The following CTNNA2 variants were observed in gnomAD, a reference collection of about 807,000 sequenced individuals.
CTNNA2 encodes catenin alpha-2.
A neutral mutation model predicts 101.0 loss-of-function variants in CTNNA2; 42 were observed. The ratio of observed to expected loss-of-function variants is 0.42; its 90% CI spans 0.32 to 0.54. The LOEUF (loss-of-function observed/expected upper bound fraction) is 0.54. Among genes scored for constraint, CTNNA2 ranks in the 20% least tolerant of loss-of-function variants. The pLI is 0.14. For synonymous variants in CTNNA2, 450 were observed against 456.4 expected, an observed-to-expected ratio of 0.99 and a Z score of 0.18; for missense variants, 871 against 1,223.1, an observed-to-expected ratio of 0.71 and a Z score of 4.29.
chr2:79,628,960 A>T (rs577982433), intron 1 of CTNNA2, among the ~76,000 whole-genome samples: 2 of 152,330 alleles, frequency 1.3e-5, no homozygotes, highest in African/African-American at 4.8e-5. Context: ...ATATAAATTG[A>T]TGTAAGCTGA....
At chr2:80,109,775 C>A (rs1701102708) in intron 7 of CTNNA2, among the ~76,000 whole-genome samples, 1 of 152,064 alleles carries the variant, frequency 6.6e-6, no homozygotes, top group Non-Finnish European at 1.5e-5. Flanking sequence ...TGAGTTGGAA[C>A]TCAGAGGCTG....
chr2:79,851,737 C>CTTTTTTTTTTTTTTTTTTTTTTTT (rs11399192), intron 3 of CTNNA2, among the ~76,000 whole-genome samples: 3 of 87,124 alleles, frequency 3.4e-5, no homozygotes, highest in East Asian at 3.8e-4. Context: ...TTTTCTTTTC[C>CTTTTTTTTTTTTTTTTTTTTTTTT]TTTTTTTTTT....
At chr2:79,202,190 G>C (rs1489676658) in intron 2 of CTNNA2, among the ~76,000 whole-genome samples, 1 of 152,182 alleles carries the variant, frequency 6.6e-6, no homozygotes, top group Non-Finnish European at 1.5e-5. Context: ...TGACTGAATA[G>C]AATGGGAAGC....
intron 2 of CTNNA2, among the ~76,000 whole-genome samples, chr2:79,670,338 G>C (rs1303311810): frequency 6.6e-6 from 1 of 152,160 alleles, no homozygotes; most frequent in Non-Finnish European, 1.5e-5. Flanking sequence ...CTACAGTTTA[G>C]GGAGCTGTAG....
rs373510299 is a variant in CTNNA2, at chr2:80,127,421, C to CTATG, written c.1056+217625_1056+217628dup. Among the ~76,000 whole-genome samples the CTATG allele has an allele frequency of 2.8e-3, 427 of 152,260 alleles. 1 individual carries two copies. Among genetic ancestry groups the CTATG allele is most frequent in the African/African-American group, 9.5e-3 (396 of 41,538 alleles). On this transcript the variant is annotated intron_variant, in intron 7 of 18. Transcript: ENST00000402739. The stretch of plus-strand genomic sequence containing the variant: ...GAAACTGACATGAAAGTGGTTAACA[C>CTATG]TATGGACTGACTACTAGTTTCATAA...
At chr2:79,365,263 C>T (rs191829582) in intron 3 of CTNNA2, among the ~76,000 whole-genome samples, 39 of 147,632 alleles carry the variant, frequency 2.6e-4, no homozygotes, top group African/African-American at 8.6e-4. Flanking sequence ...GGCAACAGAG[C>T]GAGACTCCAT....
intron 3 of CTNNA2, among the ~76,000 whole-genome samples, chr2:79,749,644 AATCAGGAAAGC>A (rs1671879687): frequency 6.6e-6 from 1 of 152,180 alleles, no homozygotes; most frequent in South Asian, 2.1e-4. Flanking sequence ...AGTCTTGTGA[AATCAGGAAAGC>A]ATTGGCAGTT....
chr2:79,975,051 A>T (rs1388596637), intron 7 of CTNNA2, among the ~76,000 whole-genome samples: 1 of 152,160 alleles, frequency 6.6e-6, no homozygotes, highest in Non-Finnish European at 1.5e-5. Flanking sequence ...GTGAATGAGG[A>T]GGAGGCTTGT....
chr2:79,932,907 G>A (rs1009791717), intron 7 of CTNNA2, among the ~76,000 whole-genome samples: 3 of 152,174 alleles, frequency 2.0e-5, no homozygotes, highest in African/African-American at 7.2e-5. Context: ...TGTGTCTACT[G>A]TAATAGTGTG....
chr2:79,407,243 A>G (rs532293105), intron 4 of CTNNA2, among the ~76,000 whole-genome samples: 1 of 152,164 alleles, frequency 6.6e-6, no homozygotes, highest in Non-Finnish European at 1.5e-5. Context: ...ACCACTGGAG[A>G]TTCTTAGACT....
intron 2 of CTNNA2, among the ~76,000 whole-genome samples, chr2:79,238,643 T>G (rs1180657422): frequency 6.6e-6 from 1 of 152,160 alleles, no homozygotes; most frequent in Non-Finnish European, 1.5e-5. Context: ...ATGTAGAATT[T>G]TGAGGAGAAA....
At chr2:80,142,398 G>C (rs1214133941) in intron 7 of CTNNA2, among the ~76,000 whole-genome samples, 1 of 152,142 alleles carries the variant, frequency 6.6e-6, no homozygotes, top group Non-Finnish European at 1.5e-5. Context: ...TGAGTGAGCA[G>C]ACCCCAGCTT....
At chr2:79,903,655 A>G (rs1275144904) in intron 6 of CTNNA2, among the ~76,000 whole-genome samples, 2 of 152,038 alleles carry the variant, frequency 1.3e-5, no homozygotes, top group Non-Finnish European at 2.9e-5. Flanking sequence ...GCTTTTGTGG[A>G]GCTTTTAGAC....
chr2:79,660,771 A>G (rs1240074229), intron 2 of CTNNA2, among the ~76,000 whole-genome samples: 2 of 152,124 alleles, frequency 1.3e-5, no homozygotes, highest in Non-Finnish European at 2.9e-5. Context: ...TTTCTGTTAT[A>G]TGGCCAGCTG....
chr2:80,347,475 G>A (rs1672844645), intron 7 of CTNNA2, among the ~76,000 whole-genome samples: 1 of 152,178 alleles, frequency 6.6e-6, no homozygotes, highest in South Asian at 2.1e-4. Flanking sequence ...CAGGGGAGAG[G>A]AGCAGTCACA....
Position 79,405,777 on chromosome 2 carries a change from C to T in CTNNA2, c.-135+31764C>T, listed in dbSNP as rs563780318. Among the ~76,000 whole-genome samples, 4 of 151,960 alleles carry T rather than the reference C, an allele frequency of 2.6e-5. No individual in the cohort carries two copies. In the East Asian group the frequency reaches 7.8e-4, roughly 30 times the overall value. ...TCTTCTTTTATCTTTGTGAGAGTACCCAGTTATGCTGTTCCCAGAATCCTG... is the reference window on the plus strand; with the variant it reads ...TCTTCTTTTATCTTTGTGAGAGTACTCAGTTATGCTGTTCCCAGAATCCTG... On this transcript the variant is annotated intron_variant, in intron 4 of 21. Transcript: ENST00000466387.
intron 1 of CTNNA2, among the ~76,000 whole-genome samples, chr2:79,563,590 A>C (rs549278345): frequency 6.6e-6 from 1 of 152,252 alleles, no homozygotes; most frequent in African/African-American, 2.4e-5. Flanking sequence ...TGGTCAAAAC[A>C]ATCTTATTTT....
At chr2:79,244,580 G>T (rs13005145) in intron 2 of CTNNA2, among the ~76,000 whole-genome samples, 1 of 152,160 alleles carries the variant, frequency 6.6e-6, no homozygotes, top group Non-Finnish European at 1.5e-5. Flanking sequence ...TAAACATGTA[G>T]AAAGACAGGC....
At chr2:79,357,871 G>C (rs568078524) in intron 3 of CTNNA2, among the ~76,000 whole-genome samples, 15 of 152,016 alleles carry the variant, frequency 9.9e-5, no homozygotes, top group African/African-American at 3.6e-4. Context: ...TTTTTAAAGC[G>C]AAGAAGGTGC....
Sources: allele counts gnomAD v4.1 joint callset (sites outside exome capture counted in the v4.1 genomes callset), GRCh38; gene constraint gnomAD v4.1.1; transcripts MANE v1.5; gene names NCBI Gene and HGNC (gene_info 2026-07-23, HGNC 2026-07-21).